The following ATOH1 variants were observed in gnomAD, a reference collection of about 807,000 sequenced individuals.
The protein encoded by ATOH1 is atonal bHLH transcription factor 1, also known as transcription factor ATOH1.
A neutral mutation model predicts 20.7 loss-of-function variants in ATOH1; 9 were observed. The observed-to-expected ratio is 0.44, with a 90% confidence interval of 0.26 to 0.76. The LOEUF (loss-of-function observed/expected upper bound fraction) is 0.76, where lower values mean the gene tolerates loss of function less well. Among genes scored for constraint, ATOH1 ranks in the 30% least tolerant of loss-of-function variants. The pLI is 0.20. For missense variants in ATOH1, 516 were observed against 479.3 expected, an observed-to-expected ratio of 1.08 and a Z score of -0.71; for synonymous variants, 247 against 214.3, an observed-to-expected ratio of 1.15 and a Z score of -1.33.
chr4:93,829,996 G>C lies in ATOH1; in HGVS notation c.*5G>C, dbSNP rs763702912. On this transcript the variant is annotated 3_prime_UTR_variant, in exon 1 of 1. Transcript: ENST00000306011. This position sits in a 1 kb window ranked among gnomAD's most constrained non-coding sequence, Gnocchi z 4.5. ...GACTCGGATGAGGCAAGTTAGGAAG[G>C]TGACAGAAGCCTGAAAACTGAGACA... 12 of 1,568,602 alleles carry C rather than the reference G, an allele frequency of 7.7e-6. No homozygotes were observed. Among genetic ancestry groups the C allele is most frequent in the Non-Finnish European group, 1.0e-5 (12 of 1,160,036 alleles).
In ATOH1 at chr4:93,830,257, G is replaced by T. The variant is rs1735416247; in HGVS notation, c.*266G>T. ...CCGCCCACCTTCTGCTCCCCCTTTA[G>T]ATAGATACGGTATAATTGTAGGTAC... is the stretch of plus-strand genomic sequence containing the variant. On this transcript the variant is annotated 3_prime_UTR_variant, in exon 1 of 1. Transcript: ENST00000306011. 5 of 535,678 alleles carry T rather than the reference G, an allele frequency of 9.3e-6. No homozygotes were observed. In the East Asian group the frequency reaches 1.6e-4, roughly 17 times the overall value. The allele number at this position is 535,678 out of a possible 1,614,324, so 33.2% of individuals were successfully genotyped here. A position where few individuals can be genotyped will look rare whatever the true frequency, so the allele number is the denominator to read the frequency against.
Position 93,830,593 on chromosome 4 carries a change from T to A in ATOH1, c.*602T>A, listed in dbSNP as rs1735424736. 3 of 167,052 alleles carry A rather than the reference T, an allele frequency of 1.8e-5. No homozygotes were observed. In the Admixed American group the frequency reaches 2.0e-4, roughly 11 times the overall value. 10.3% of individuals were successfully genotyped at this position (167,052 alleles called of 1,614,324 possible). On this transcript the variant is annotated 3_prime_UTR_variant, in exon 1 of 1. Coordinates refer to ENST00000306011, the MANE Select transcript of ATOH1 (RefSeq NM_005172.2). ...TCCGATCGCGAGAACGTTGGCGTCT[T>A]TTAGGAAACTCCGCGCACGCACTTT...
rs1455531237 is a variant in ATOH1, at chr4:93,829,293, A to G, written c.367A>G (p.Lys123Glu). ...ASSSKSPGPV[K>E]VREQLCKLKG... ...CAGCAGCAAGAGCCCCGGGCCGGTG[A>G]AAGTGCGGGAACAGCTGTGCAAGCT... is the stretch of plus-strand genomic sequence containing the variant. The change falls in exon 1 of 1, where the codon AAA becomes GAA. Residue 123 changes from lysine to glutamate, a missense_variant. Lys to Glu is a moderately conservative substitution (Grantham distance 56). Coordinates refer to ENST00000306011, the MANE Select transcript of ATOH1 (RefSeq NM_005172.2). The surrounding 1 kb of genome is among the most constrained non-coding windows in gnomAD (Gnocchi z 4.5). 1 of 1,611,296 alleles carries G rather than the reference A, an allele frequency of 6.2e-7. No individual in the cohort carries two copies. Among genetic ancestry groups the G allele is most frequent in the Admixed American group, 1.7e-5 (1 of 59,934 alleles).
rs777481278 is a variant in ATOH1, at chr4:93,829,439, G to A, written c.513G>A (p.Arg171=). The A allele has an allele frequency of 8.1e-6, 13 of 1,614,140 alleles. No individual in the cohort carries two copies. In the East Asian group the frequency reaches 2.2e-4, roughly 28 times the overall value. Residue 171 remains arginine, a synonymous_variant, in exon 1 of 1, where the codon AGG becomes AGA. Coordinates refer to ENST00000306011, the MANE Select transcript of ATOH1 (RefSeq NM_005172.2). This position sits in a 1 kb window ranked among gnomAD's most constrained non-coding sequence, Gnocchi z 4.5. The part of the protein sequence containing the change: ...RLAANARERR[R]MHGLNHAFDQ... Reference sequence around the variant, plus strand: ...CAGCCAACGCCAGGGAGCGGCGCAGGATGCATGGGCTGAACCACGCCTTCG... The same window carrying A: ...CAGCCAACGCCAGGGAGCGGCGCAGAATGCATGGGCTGAACCACGCCTTCG...
At position 93,830,533 on chromosome 4, in the gene ATOH1, G is replaced by A. The variant is rs1735423629; in HGVS notation, c.*542G>A. On this transcript the variant is annotated 3_prime_UTR_variant, in exon 1 of 1. Transcript: ENST00000306011. ...TTGTTAGAAAACAAGAAACTTTAAG[G>A]TTTATATATTGTATAAACATACCCA... 1 of 158,256 alleles carries A rather than the reference G, an allele frequency of 6.3e-6. No homozygotes were observed. The highest frequency in any genetic ancestry group is 1.5e-5 in the Non-Finnish European group (1 of 65,230). 9.8% of individuals were successfully genotyped at this position (158,256 alleles called of 1,614,324 possible). A position where few individuals can be genotyped will look rare whatever the true frequency, so the allele number is the denominator to read the frequency against.
At position 93,830,789 on chromosome 4, in the gene ATOH1, T is replaced by G. The variant is rs1735429995; in HGVS notation, c.*798T>G. ...TAGTGTCAAACGCATTTGGTCAATT[T>G]TATTTTGCTTTGTTAATATTAGAAA... On this transcript the variant is annotated 3_prime_UTR_variant, in exon 1 of 1. Transcript: ENST00000306011. 1 of 167,190 alleles carries G rather than the reference T, an allele frequency of 6.0e-6. No individual in the cohort carries two copies. Among genetic ancestry groups the G allele is most frequent in the Middle Eastern group, 3.4e-3 (1 of 296 alleles). The allele number at this position is 167,190 out of a possible 1,614,324, so 10.4% of individuals were successfully genotyped here. A position where few individuals can be genotyped will look rare whatever the true frequency, so the allele number is the denominator to read the frequency against.
In ATOH1 at chr4:93,829,270, G is replaced by A; in HGVS notation, c.344G>A (p.Ser115Asn). The change falls in exon 1 of 1, where the codon AGC (serine) becomes AAC (asparagine). Residue 115 changes from serine to asparagine, a missense_variant. By Grantham distance (46) the Ser-to-Asn change is conservative. Coordinates refer to ENST00000306011, the MANE Select transcript of ATOH1 (RefSeq NM_005172.2). The surrounding 1 kb of genome is among the most constrained non-coding windows in gnomAD (Gnocchi z 4.5). ...LVRRSSGGAS[S>N]SKSPGPVKVR... ...AGGAGGAGCAGCGGCGGTGCCAGCA[G>A]CAGCAAGAGCCCCGGGCCGGTGAAA... 1 of 1,602,202 alleles carries A rather than the reference G, an allele frequency of 6.2e-7. No individual in the cohort carries two copies. The highest frequency in any genetic ancestry group is 1.1e-5 in the South Asian group (1 of 89,376).
chr4:93,829,133 G>A lies in ATOH1; in HGVS notation c.207G>A (p.Leu69=). The change falls in exon 1 of 1, where the codon TTG becomes TTA. Residue 69 remains leucine (L), a synonymous_variant. Coordinates refer to ENST00000306011, the MANE Select transcript of ATOH1 (RefSeq NM_005172.2). This position sits in a 1 kb window ranked among gnomAD's most constrained non-coding sequence, Gnocchi z 4.5. ...TDPRAWLAPT[L]QGICTARAAQ... Reference sequence around the variant, plus strand: ...CACGCGCCTGGCTGGCTCCCACTTTGCAGGGCATCTGCACGGCACGCGCCG... The same window carrying A: ...CACGCGCCTGGCTGGCTCCCACTTTACAGGGCATCTGCACGGCACGCGCCG... 1.2e-6 allele frequency: 2 copies of A among 1,606,918 alleles called. No individual in the cohort carries two copies. Among genetic ancestry groups the A allele is most frequent in the Non-Finnish European group, 1.7e-6 (2 of 1,175,674 alleles).
Position 93,828,989 on chromosome 4 carries a change from C to T in ATOH1, c.63C>T (p.Arg21=), listed in dbSNP as rs752452091. The T allele has an allele frequency of 3.1e-6, 5 of 1,612,982 alleles. No homozygotes were observed. The Admixed American group carries it at 5.0e-5, about 16-fold the overall frequency. The part of the protein sequence containing the change: ...AEVKELGDHH[R]QPQPHHLPQP... ...TGAAGGAGTTGGGAGACCACCATCG[C>T]CAGCCCCAGCCGCATCATCTCCCGC... The change falls in exon 1 of 1, where the codon CGC becomes CGT. Residue 21 remains arginine, a synonymous_variant. Transcript: ENST00000306011.
Position 93,830,042 on chromosome 4 carries a change from C to G in ATOH1, c.*51C>G. 3 of 1,518,796 alleles carry G rather than the reference C, an allele frequency of 2.0e-6. No individual in the cohort carries two copies. Among genetic ancestry groups the G allele is most frequent in the Non-Finnish European group, 2.6e-6 (3 of 1,136,852 alleles). 94.1% of individuals were successfully genotyped at this position (1,518,796 alleles called of 1,614,324 possible). A position where few individuals can be genotyped will look rare whatever the true frequency, so the allele number is the denominator to read the frequency against. ...AGACAGAAACAAAACTGCCCTTTCC[C>G]AGTGCGCGGGAAGCCCCGCGGTTAA... On this transcript the variant is annotated 3_prime_UTR_variant, in exon 1 of 1. Transcript: ENST00000306011.
chr4:93,828,865 T>G lies in ATOH1; in HGVS notation c.-62T>G. The G allele has an allele frequency of 6.7e-7, 1 of 1,488,954 alleles. No homozygotes were observed. Among genetic ancestry groups the G allele is most frequent in the Non-Finnish European group, 8.9e-7 (1 of 1,118,974 alleles). The allele number at this position is 1,488,954 out of a possible 1,614,324, so 92.2% of individuals were successfully genotyped here. The stretch of plus-strand genomic sequence containing the variant: ...GAAGAGACCCGGAAAGGGCCTTTTT[T>G]TTGGTTGAGCTGGTGTCCCAGTGCT... On this transcript the variant is annotated 5_prime_UTR_variant, in exon 1 of 1. Coordinates refer to ENST00000306011, the MANE Select transcript of ATOH1 (RefSeq NM_005172.2).
rs753229261 is a variant in ATOH1, at chr4:93,829,720, G to A, written c.794G>A (p.Arg265Gln). ...GAQQASGGSQ[R>Q]PTPPGSCRTR... ...CAGCAGGCTTCCGGAGGGAGCCAGC[G>A]GCCGACCCCGCCCGGGAGTTGCCGG... The change falls in exon 1 of 1, where the codon CGG becomes CAG. Residue 265 changes from arginine to glutamine, a missense_variant. Coordinates refer to ENST00000306011, the MANE Select transcript of ATOH1 (RefSeq NM_005172.2). The surrounding 1 kb of genome is among the most constrained non-coding windows in gnomAD (Gnocchi z 4.5). 1.9e-6 allele frequency: 3 copies of A among 1,570,904 alleles called. No individual in the cohort carries two copies. The highest frequency in any genetic ancestry group is 1.8e-5 in the Admixed American group (1 of 54,438).
chr4:93,830,595 T>G lies in ATOH1; in HGVS notation c.*604T>G, dbSNP rs1325870947. On this transcript the variant is annotated 3_prime_UTR_variant, in exon 1 of 1. Coordinates refer to ENST00000306011, the MANE Select transcript of ATOH1 (RefSeq NM_005172.2). The stretch of plus-strand genomic sequence containing the variant: ...CGATCGCGAGAACGTTGGCGTCTTT[T>G]AGGAAACTCCGCGCACGCACTTTAT... The G allele has an allele frequency of 1.2e-5, 2 of 167,006 alleles. No homozygotes were observed. The highest frequency in any genetic ancestry group is 2.9e-5 in the Non-Finnish European group (2 of 68,122). The allele number at this position is 167,006 out of a possible 1,614,324, so 10.3% of individuals were successfully genotyped here. A position where few individuals can be genotyped will look rare whatever the true frequency, so the allele number is the denominator to read the frequency against.
Position 93,828,813 on chromosome 4 carries a change from G to C in ATOH1, c.-114G>C. ...CTCCGAGTGGGTGGGGGAGGGTCGA[G>C]GAGGGAAAAAAAAATAAGACGTTGC... is the stretch of plus-strand genomic sequence containing the variant. On this transcript the variant is annotated 5_prime_UTR_variant, in exon 1 of 1. Coordinates refer to ENST00000306011, the MANE Select transcript of ATOH1 (RefSeq NM_005172.2). 8.0e-7 allele frequency: 1 copy of C among 1,248,460 alleles called. No homozygotes were observed. The highest frequency in any genetic ancestry group is 1.1e-6 in the Non-Finnish European group (1 of 920,986). The allele number at this position is 1,248,460 out of a possible 1,614,324, so 77.3% of individuals were successfully genotyped here. A position where few individuals can be genotyped will look rare whatever the true frequency, so the allele number is the denominator to read the frequency against.
In ATOH1 at chr4:93,829,233, G is replaced by T. The variant is rs997548725; in HGVS notation, c.307G>T (p.Gly103Trp). 4 of 1,589,776 alleles carry T rather than the reference G, an allele frequency of 2.5e-6. No homozygotes were observed. The highest frequency in any genetic ancestry group is 3.4e-6 in the Non-Finnish European group (4 of 1,167,050). ...AAPRDEVDGR[G>W]ELVRRSSGGA... The stretch of plus-strand genomic sequence containing the variant: ...GCCCCGGGACGAGGTGGACGGCCGG[G>T]GGGAGCTGGTAAGGAGGAGCAGCGG... Residue 103 changes from glycine (G) to tryptophan (W), a missense_variant, in exon 1 of 1, where the codon GGG (glycine) becomes TGG (tryptophan). By Grantham distance (184) the Gly-to-Trp change is radical. Transcript: ENST00000306011. The surrounding 1 kb of genome is among the most constrained non-coding windows in gnomAD (Gnocchi z 4.5).
rs1735416561 is a variant in ATOH1 at position 93,830,267 on chromosome 4, G to T, written c.*276G>T. On this transcript the variant is annotated 3_prime_UTR_variant, in exon 1 of 1. Coordinates refer to ENST00000306011, the MANE Select transcript of ATOH1 (RefSeq NM_005172.2). ...TCTGCTCCCCCTTTAGATAGATACG[G>T]TATAATTGTAGGTACCCGTATATGG... 1 of 459,664 alleles carries T rather than the reference G, an allele frequency of 2.2e-6. No individual in the cohort carries two copies. Among genetic ancestry groups the T allele is most frequent in the Non-Finnish European group, 3.6e-6 (1 of 277,930 alleles). 28.5% of individuals were successfully genotyped at this position (459,664 alleles called of 1,614,324 possible). A position where few individuals can be genotyped will look rare whatever the true frequency, so the allele number is the denominator to read the frequency against.
In ATOH1 at chr4:93,830,687, T is replaced by C. The variant is rs1351677767; in HGVS notation, c.*696T>C. On this transcript the variant is annotated 3_prime_UTR_variant, in exon 1 of 1. Transcript: ENST00000306011. ...CCAATTGCAGACCAGTTTTTTTTTT[T>C]TTAAACACAGCCACTTATAATTCTT... is the stretch of plus-strand genomic sequence containing the variant. The C allele has an allele frequency of 6.0e-6, 1 of 166,928 alleles. No homozygotes were observed. The highest frequency in any genetic ancestry group is 1.5e-5 in the Non-Finnish European group (1 of 68,120). The allele number at this position is 166,928 out of a possible 1,614,324, so 10.3% of individuals were successfully genotyped here. A position where few individuals can be genotyped will look rare whatever the true frequency, so the allele number is the denominator to read the frequency against.
At position 93,829,867 on chromosome 4, in the gene ATOH1, C is replaced by T; in HGVS notation, c.941C>T (p.Ser314Phe). The T allele has an allele frequency of 1.2e-6, 2 of 1,614,114 alleles. No individual in the cohort carries two copies. Among genetic ancestry groups the T allele is most frequent in the Non-Finnish European group, 1.7e-6 (2 of 1,180,038 alleles). Residue 314 changes from serine (S) to phenylalanine (F), a missense_variant, in exon 1 of 1, where the codon TCT (serine) becomes TTT (phenylalanine). Physicochemically the swap from Ser to Phe is radical, Grantham distance 155. Transcript: ENST00000306011. The surrounding 1 kb of genome is among the most constrained non-coding windows in gnomAD (Gnocchi z 4.5). ...ATGGCGCAAAAGAATTTGTCTCCTTCTCTCCCCGGGAGCATCTTGCAGCCA... is the reference window on the plus strand; with the variant it reads ...ATGGCGCAAAAGAATTTGTCTCCTTTTCTCCCCGGGAGCATCTTGCAGCCA... ...AMMAQKNLSP[S>F]LPGSILQPVQ...
chr4:93,830,747 A>T lies in ATOH1; in HGVS notation c.*756A>T, dbSNP rs1735427872. 1 of 167,048 alleles carries T rather than the reference A, an allele frequency of 6.0e-6. No individual in the cohort carries two copies. Among genetic ancestry groups the T allele is most frequent in the Non-Finnish European group, 1.5e-5 (1 of 68,112 alleles). 10.3% of individuals were successfully genotyped at this position (167,048 alleles called of 1,614,324 possible). A position where few individuals can be genotyped will look rare whatever the true frequency, so the allele number is the denominator to read the frequency against. On this transcript the variant is annotated 3_prime_UTR_variant, in exon 1 of 1. Coordinates refer to ENST00000306011, the MANE Select transcript of ATOH1 (RefSeq NM_005172.2). ...GCAAATGTTTGTTTAAAAAATGAAA[A>T]ATTAAAAAAAATCTAGTAGTGTCAA...
Sources: gnomAD v4.1 joint callset for allele counts on GRCh38, gnomAD v4.1.1 for gene constraint, Gnocchi (gnomAD v3.1) non-coding constraint, MANE v1.5 for transcripts, NCBI Gene and HGNC (gene_info 2026-07-23, HGNC 2026-07-21) for gene names.